The following FSTL4 variants were observed in gnomAD, a reference collection of about 807,000 sequenced individuals.
FSTL4 encodes the protein follistatin-related protein 4.
In FSTL4, 28 loss-of-function variants were observed where a neutral mutation model predicts 78.2. The observed-to-expected ratio is 0.36, with a 90% confidence interval of 0.27 to 0.49. The LOEUF (loss-of-function observed/expected upper bound fraction) is 0.49. Among genes scored for constraint, FSTL4 ranks in the 20% least tolerant of loss-of-function variants. The pLI is 0.98. For synonymous variants in FSTL4, 422 were observed against 440.5 expected, an observed-to-expected ratio of 0.96 and a Z score of 0.53; for missense variants, 922 against 1,084.9, an observed-to-expected ratio of 0.85 and a Z score of 2.11.
At position 133,583,464 on chromosome 5, in the gene FSTL4, G is replaced by A. The variant is rs926563404; in HGVS notation, c.127-16245C>T. On this transcript the variant is annotated intron_variant, in intron 2 of 15. Transcript: ENST00000265342. ...CGCACCGTGCGCGAGCCGAAGCAGG[G>A]CGAGGCATTGCCTCACCTGGGAAGC... The A allele has an allele frequency of 3.8e-5, 8 of 212,042 alleles. 1 individual carries two copies. The highest frequency in any genetic ancestry group is 1.8e-4 in the African/African-American group (7 of 38,710). 13.1% of individuals were successfully genotyped at this position (212,042 alleles called of 1,614,324 possible).
intron 3 of FSTL4, among the ~76,000 whole-genome samples, chr5:133,464,456 A>C (rs56785733): frequency 0.013 from 1,949 of 152,242 alleles, 20 homozygotes; most frequent in African/African-American, 0.033. Context: ...TTCAAGGGAT[A>C]TCTCTCTCTC....
intron 7 of FSTL4, among the ~76,000 whole-genome samples, chr5:133,235,543 A>ATGAAGGGG (rs1751634633): frequency 6.7e-6 from 1 of 149,540 alleles, no homozygotes; most frequent in Non-Finnish European, 1.5e-5. Context: ...AATTAGCTGG[A>ATGAAGGGG]TGAAGGGGTG....
chr5:133,274,488 C>T (rs1284842822), intron 6 of FSTL4, among the ~76,000 whole-genome samples: 1 of 60,392 alleles, frequency 1.7e-5, no homozygotes, highest in Non-Finnish European at 3.0e-5. Flanking sequence ...AACCTGTTAA[C>T]TTACTTAAAC....
the FSTL4 span, among the ~76,000 whole-genome samples, chr5:133,657,218 C>T: frequency 2.6e-5 from 4 of 152,160 alleles, no homozygotes; most frequent in African/African-American, 4.8e-5. Flanking sequence ...GGAAAGCCCC[C>T]GCTAGACACA....
chr5:133,438,915 C>G (rs567133337), intron 3 of FSTL4, among the ~76,000 whole-genome samples: 1 of 152,218 alleles, frequency 6.6e-6, no homozygotes, highest in African/African-American at 2.4e-5. Flanking sequence ...CTGGGATGAG[C>G]GCGGATGCTC....
the FSTL4 span, among the ~76,000 whole-genome samples, chr5:133,775,662 T>C: frequency 6.6e-6 from 1 of 152,216 alleles, no homozygotes; most frequent in African/African-American, 2.4e-5. Context: ...GAAGAGTAGA[T>C]TGTACAACAG....
At chr5:133,779,357 C>T in the FSTL4 span, among the ~76,000 whole-genome samples, 2 of 152,196 alleles carry the variant, frequency 1.3e-5, no homozygotes, top group African/African-American at 2.4e-5. Context: ...GAAGCCAAGG[C>T]GGGTGGATCA....
At chr5:133,433,026 A>G (rs773875299) in intron 3 of FSTL4, among the ~76,000 whole-genome samples, 1 of 152,222 alleles carries the variant, frequency 6.6e-6, no homozygotes, top group Non-Finnish European at 1.5e-5. Flanking sequence ...ATTAAAAGGC[A>G]TCTGGCTCCT....
chr5:133,323,522 C>T (rs1754124672), intron 4 of FSTL4, among the ~76,000 whole-genome samples: 1 of 152,248 alleles, frequency 6.6e-6, no homozygotes, highest in Non-Finnish European at 1.5e-5. Context: ...CTCCCTCCCT[C>T]CTGACCGCCA....
chr5:133,297,114 G>T (rs563838920), intron 6 of FSTL4, among the ~76,000 whole-genome samples: 1 of 152,222 alleles, frequency 6.6e-6, no homozygotes, highest in South Asian at 2.1e-4. Context: ...GGAGAAAAAA[G>T]GACAATTTTT....
At position 133,210,141 on chromosome 5, in the gene FSTL4, G is replaced by GT. The variant is rs752410864; in HGVS notation, c.1716+49dup. 7.4e-6 allele frequency: 7 copies of GT among 942,284 alleles called. 1 individual carries two copies. Among genetic ancestry groups the GT allele is most frequent in the South Asian group, 4.0e-5 (3 of 74,100 alleles). The allele number at this position is 942,284 out of a possible 1,614,324, so 58.4% of individuals were successfully genotyped here. ...GAGATACTTATTTTATAGGGAGAGAGTTCTTCTCTCAGTGGAGTGTGGGTA... is the reference window on the plus strand; with the variant it reads ...GAGATACTTATTTTATAGGGAGAGAGTTTCTTCTCTCAGTGGAGTGTGGGTA... On this transcript the variant is annotated intron_variant, in intron 14 of 15. Coordinates refer to ENST00000265342, the MANE Select transcript of FSTL4 (RefSeq NM_015082.2).
At chr5:133,495,743 G>T (rs31323) in intron 3 of FSTL4, among the ~76,000 whole-genome samples, 40,263 of 152,076 alleles carry the variant, frequency 0.26, 5,486 homozygotes, top group East Asian at 0.39. Flanking sequence ...GTCCACTTTT[G>T]CAATTTGCAT....
chr5:133,561,706 C>T (rs1236518514), intron 3 of FSTL4, among the ~76,000 whole-genome samples: 2 of 152,180 alleles, frequency 1.3e-5, no homozygotes, highest in African/African-American at 4.8e-5. Flanking sequence ...TGGGTTTCTA[C>T]AACTCAGAAT....
chr5:133,528,278 C>T (rs1412814075), intron 3 of FSTL4, among the ~76,000 whole-genome samples: 1 of 152,206 alleles, frequency 6.6e-6, no homozygotes, highest in Non-Finnish European at 1.5e-5. Flanking sequence ...TTTCTGGTAA[C>T]TCTTGGCTTC....
At chr5:133,704,082 C>T in the FSTL4 span, among the ~76,000 whole-genome samples, 1 of 152,042 alleles carries the variant, frequency 6.6e-6, no homozygotes, top group African/African-American at 2.4e-5. Context: ...GGGAACAGGG[C>T]TGGGGATAGG....
intron 3 of FSTL4, among the ~76,000 whole-genome samples, chr5:133,437,367 G>T (rs1490497616): frequency 6.6e-6 from 1 of 151,956 alleles, no homozygotes; most frequent in Non-Finnish European, 1.5e-5. Flanking sequence ...AGCTTGAGAA[G>T]GTAATATGGA....
the FSTL4 span, among the ~76,000 whole-genome samples, chr5:133,648,362 T>A: frequency 6.6e-6 from 1 of 152,200 alleles, no homozygotes; most frequent in African/African-American, 2.4e-5. Flanking sequence ...CTGCATGGTT[T>A]AATAATTGAT....
chr5:133,237,090 T>C (rs971135674), intron 7 of FSTL4, among the ~76,000 whole-genome samples: 1 of 152,092 alleles, frequency 6.6e-6, no homozygotes, highest in Non-Finnish European at 1.5e-5. Context: ...CCACCTGCCT[T>C]CCTGTCCACT....
chr5:133,495,051 T>C (rs1455702586), intron 3 of FSTL4, among the ~76,000 whole-genome samples: 1 of 152,192 alleles, frequency 6.6e-6, no homozygotes, highest in Non-Finnish European at 1.5e-5. Flanking sequence ...GGATGTCTCA[T>C]GTCTTGTCCC....
Sources: gnomAD v4.1 joint callset for allele counts (sites outside exome capture counted in the v4.1 genomes callset) on GRCh38, gnomAD v4.1.1 for gene constraint, MANE v1.5 for transcripts, NCBI Gene and HGNC (gene_info 2026-07-23, HGNC 2026-07-21) for gene names.